C4orf50: variants seen among roughly 807,000 people sequenced by gnomAD.
C4orf50 encodes the protein chromosome 4 open reading frame 50.
C4orf50 carries 80 observed loss-of-function variants against 77.2 expected under a neutral mutation model. The ratio of observed to expected loss-of-function variants is 1.04; its 90% CI spans 0.87 to 1.25. The LOEUF (loss-of-function observed/expected upper bound fraction) is 1.25. Ranked by LOEUF, C4orf50 falls within the 50% of genes most tolerant of loss-of-function variation. C4orf50 has a pLI of 0.00. For missense variants in C4orf50, 1,257 were observed against 1,152.9 expected (o/e 1.09, Z -1.31); for synonymous variants, 532 against 465.3 (o/e 1.14, Z -1.84).
In C4orf50 at chr4:5,941,053, G is replaced by C. The variant is rs1718239016; in HGVS notation, c.*2474+15848C>G. 5.3e-5 allele frequency among the ~76,000 whole-genome samples: 8 copies of C among 152,192 alleles called. No individual in the cohort carries two copies. In the South Asian group the frequency reaches 1.7e-3, roughly 32 times the overall value. On this transcript the variant is annotated intron_variant, in intron 7 of 7. Coordinates refer to the C4orf50 transcript ENST00000324058. ...CAATCTACATCTAATGTGTATACAT[G>C]AATATATAAAATGGTTGTGACTTTA...
intron 7 of C4orf50, among the ~76,000 whole-genome samples, chr4:5,922,718 T>C (rs1306403008): frequency 6.6e-6 from 1 of 152,202 alleles, no homozygotes; most frequent in Non-Finnish European, 1.5e-5. Context: ...GTGCCCAGCC[T>C]GCAGCGGCCC....
intron 7 of C4orf50, among the ~76,000 whole-genome samples, chr4:5,937,472 T>C (rs16837865): frequency 0.28 from 42,914 of 151,908 alleles, 7,599 homozygotes; most frequent in African/African-American, 0.51. Context: ...GCAAGAAAAG[T>C]GAAAAATCAG....
At chr4:5,935,784 TAAAAAAAAAAA>T (rs769910855) in intron 7 of C4orf50, among the ~76,000 whole-genome samples, 7 of 31,492 alleles carry the variant, frequency 2.2e-4, no homozygotes, top group African/African-American at 4.8e-4. Flanking sequence ...AGACTCCGTC[TAAAAAAAAAAA>T]AAAAAAAAAA....
chr4:5,914,019 G>A (rs1394248914), intron 7 of C4orf50, among the ~76,000 whole-genome samples: 1 of 152,076 alleles, frequency 6.6e-6, no homozygotes, highest in African/African-American at 2.4e-5. Flanking sequence ...TTCATGCTAT[G>A]TAATCATGAG....
At chr4:5,990,897 T>C (rs762768899) in intron 27 of C4orf50, 73 bp from the exon 6 acceptor site, 23 of 398,390 alleles carry the variant, frequency 5.8e-5, no homozygotes, top group Non-Finnish European at 9.7e-5. Flanking sequence ...TCCACTCACC[T>C]CCTGGGGTTC....
At chr4:5,920,414 A>G (rs1198824735) in intron 7 of C4orf50, among the ~76,000 whole-genome samples, 1 of 151,556 alleles carries the variant, frequency 6.6e-6, no homozygotes, top group Non-Finnish European at 1.5e-5. Context: ...GCAGGTACCT[A>G]CTTCATGCTG....
rs1031244242 is a variant in C4orf50 at position 5,943,855 on chromosome 4, C to T, written c.*2474+13046G>A. 3.9e-5 allele frequency among the ~76,000 whole-genome samples: 6 copies of T among 152,194 alleles called. No individual in the cohort carries two copies. In the South Asian group the frequency reaches 6.2e-4, roughly 16 times the overall value. On this transcript the variant is annotated intron_variant, in intron 7 of 7. Transcript: ENST00000324058. ...TCGGACTTCATCTTATTTCCTTAAA[C>T]GACGAATTCCTTTTGAGAGTGAAGA...
chr4:5,925,039 G>T (rs1717452384), intron 7 of C4orf50, among the ~76,000 whole-genome samples: 1 of 152,092 alleles, frequency 6.6e-6, no homozygotes, highest in Non-Finnish European at 1.5e-5. Flanking sequence ...GAGGTTCGCA[G>T]TGGTGGCCAT....
At chr4:6,006,400 G>A (rs921965184) in intron 25 of C4orf50, among the ~76,000 whole-genome samples, 3 of 152,196 alleles carry the variant, frequency 2.0e-5, no homozygotes, top group African/African-American at 7.2e-5. Flanking sequence ...ATTGCAGAAG[G>A]CAGGCTGCTA....
chr4:5,938,819 C>A (rs1483254996), intron 7 of C4orf50, among the ~76,000 whole-genome samples: 2 of 150,942 alleles, frequency 1.3e-5, no homozygotes, highest in Non-Finnish European at 2.9e-5. Flanking sequence ...TCATTTAAGA[C>A]AAATGATGTG....
At chr4:5,989,604 G>C in exon 28 of C4orf50, 1 of 1,536,122 alleles carries the variant, frequency 6.5e-7, no homozygotes, top group Non-Finnish European at 8.7e-7. Context: ...ACAGCTGCTG[G>C]AAACAAGCCT....
chr4:5,950,275 T>C (rs1174764886), intron 7 of C4orf50, among the ~76,000 whole-genome samples: 5 of 152,178 alleles, frequency 3.3e-5, no homozygotes, highest in Admixed American at 2.0e-4. Context: ...TTTGATGAAG[T>C]GAAGGAGTCG....
chr4:5,922,377 G>C (rs950571925), intron 7 of C4orf50, among the ~76,000 whole-genome samples: 1 of 152,174 alleles, frequency 6.6e-6, no homozygotes, highest in Non-Finnish European at 1.5e-5. Context: ...CTTGTGGGTC[G>C]GGTAACTCAT....
chr4:6,004,375 G>T (rs1402996194), intron 25 of C4orf50, among the ~76,000 whole-genome samples: 3 of 116,080 alleles, frequency 2.6e-5, no homozygotes, highest in African/African-American at 9.3e-5. Context: ...GATGGTGATG[G>T]TGATGATGGT....
chr4:5,974,600 G>A (rs560667625), intron 30 of C4orf50, among the ~76,000 whole-genome samples: 9 of 152,242 alleles, frequency 5.9e-5, no homozygotes, highest in Admixed American at 2.6e-4. Flanking sequence ...GGCATAACCA[G>A]GTTCTGCTGA....
chr4:5,988,429 GCTT>G (rs749883622), exon 28 of C4orf50: 1 of 1,606,780 alleles, frequency 6.2e-7, no homozygotes, highest in Non-Finnish European at 8.5e-7. Context: ...CTCCAAATGT[GCTT>G]CTTTCACTTC....
intron 7 of C4orf50, among the ~76,000 whole-genome samples, chr4:5,946,311 C>T (rs1245958250): frequency 6.6e-6 from 1 of 152,178 alleles, no homozygotes; most frequent in African/African-American, 2.4e-5. Flanking sequence ...GGGTTTAGTG[C>T]CTTCTTCACA....
chr4:5,983,546 C>T (rs773820637), intron 28 of C4orf50, among the ~76,000 whole-genome samples: 1 of 152,174 alleles, frequency 6.6e-6, no homozygotes, highest in Non-Finnish European at 1.5e-5. Context: ...TTTCCACACT[C>T]CTACTCACTG....
chr4:5,943,814 T>C (rs1718369603), intron 7 of C4orf50, among the ~76,000 whole-genome samples: 1 of 152,188 alleles, frequency 6.6e-6, no homozygotes, highest in African/African-American at 2.4e-5. Context: ...CACTGCCCTG[T>C]GTAAGATTAG....
Sources: gnomAD v4.1 joint callset for allele counts (sites outside exome capture counted in the v4.1 genomes callset) on GRCh38, gnomAD v4.1.1 for gene constraint, MANE v1.5 for transcripts, NCBI Gene and HGNC (gene_info 2026-07-23, HGNC 2026-07-21) for gene names.